The following ARHGEF12 variants were observed in gnomAD, a reference collection of about 807,000 sequenced individuals.
The protein encoded by ARHGEF12 is KMT2A/ARHGEF12 fusion protein.
A neutral mutation model predicts 211.2 loss-of-function variants in ARHGEF12; 66 were observed. The ratio of observed to expected loss-of-function variants is 0.31; its 90% CI spans 0.26 to 0.38. The LOEUF (loss-of-function observed/expected upper bound fraction) is 0.38. Among genes scored for constraint, ARHGEF12 ranks in the 10% least tolerant of loss-of-function variants. The pLI is 1.00. For missense variants in ARHGEF12, 1,429 were observed against 1,869.5 expected (o/e 0.76, Z 4.34); for synonymous variants, 592 against 638.4 (o/e 0.93, Z 1.09).
chr11:120,418,455 G>A (rs368643741), intron 4 of ARHGEF12, among the ~76,000 whole-genome samples: 4 of 152,202 alleles, frequency 2.6e-5, no homozygotes, highest in African/African-American at 7.2e-5. Flanking sequence ...CCATTCATCC[G>A]TTGATAGACA....
At position 120,480,222 on chromosome 11, in the gene ARHGEF12, G is replaced by T; in HGVS notation, c.4029G>T (p.Leu1343=). 6.2e-7 allele frequency: 1 copy of T among 1,614,198 alleles called. No homozygotes were observed. The highest frequency in any genetic ancestry group is 1.1e-5 in the South Asian group (1 of 91,072). ...ESFAPRDSVG[L]APQDSQASNI... ...TTGCTCCACGGGATTCAGTGGGACT[G>T]GCACCCCAGGATAGCCAGGCAAGTA... The change falls in exon 38 of 41, where the codon CTG becomes CTT. Residue 1343 remains leucine, a synonymous_variant. Coordinates refer to ENST00000397843, the MANE Select transcript of ARHGEF12 (RefSeq NM_015313.3).
intron 29 of ARHGEF12, among the ~76,000 whole-genome samples, chr11:120,467,769 C>T (rs954559304): frequency 2.6e-5 from 4 of 152,070 alleles, no homozygotes; most frequent in Admixed American, 1.3e-4. Flanking sequence ...TAGTCTTCTT[C>T]GGGCTGTTTG....
At position 120,437,358 on chromosome 11, in the gene ARHGEF12, G is replaced by C; in HGVS notation, c.975G>C (p.Glu325Asp). ...KERIYLEENP[E>D]KSETIQDTDT... ...GAATTTATCTAGAGGAAAACCCAGA[G>C]AAAAGTGAAACAATTCAGGACACTG... The change falls in exon 12 of 41, where the codon GAG becomes GAC. Residue 325 changes from glutamate to aspartate, a missense_variant. Transcript: ENST00000397843. The C allele has an allele frequency of 1.9e-6, 3 of 1,612,758 alleles. No individual in the cohort carries two copies. Among genetic ancestry groups the C allele is most frequent in the Non-Finnish European group, 2.5e-6 (3 of 1,179,398 alleles).
At chr11:120,470,471 A>T (rs1946835960) in intron 30 of ARHGEF12, among the ~76,000 whole-genome samples, 1 of 152,216 alleles carries the variant, frequency 6.6e-6, no homozygotes, top group South Asian at 2.1e-4. Flanking sequence ...TGTGGGGAAG[A>T]TGATGAGGTC....
At chr11:120,469,988 C>T (rs1049585605) in intron 30 of ARHGEF12, among the ~76,000 whole-genome samples, 3 of 151,992 alleles carry the variant, frequency 2.0e-5, no homozygotes, top group Non-Finnish European at 4.4e-5. Context: ...AAAGTCCTGA[C>T]GGAAAAAGAA....
intron 1 of ARHGEF12, among the ~76,000 whole-genome samples, chr11:120,404,053 A>C (rs1039276413): frequency 6.6e-6 from 1 of 152,134 alleles, no homozygotes; most frequent in Non-Finnish European, 1.5e-5. Context: ...CTCCATTCTC[A>C]ATCATGCAGA....
intron 37 of ARHGEF12, 133 bp downstream of exon 37, chr11:120,478,522 G>A: frequency 1.2e-6 from 1 of 867,220 alleles, no homozygotes. Context: ...ATTCTCTACA[G>A]TGGCCCATGC....
At chr11:120,362,011 G>C (rs1295827197) in intron 1 of ARHGEF12, among the ~76,000 whole-genome samples, 1 of 152,150 alleles carries the variant, frequency 6.6e-6, no homozygotes, top group Non-Finnish European at 1.5e-5. Context: ...TAAATAAATG[G>C]TTTTGAACTG....
chr11:120,480,743 G>A lies in ARHGEF12; in HGVS notation c.4237+313G>A, dbSNP rs1947209680. ...AAGTATTAGGAAGAAACATAAGTCA[G>A]ACTGAGGGGACGGAGAGTAATGAAG... On this transcript the variant is annotated intron_variant, in intron 38 of 40. Transcript: ENST00000397843. 2.6e-5 allele frequency among the ~76,000 whole-genome samples: 4 copies of A among 152,150 alleles called. No individual in the cohort carries two copies. The South Asian group carries it at 8.3e-4, about 32-fold the overall frequency.
chr11:120,448,808 A>G (rs1005663818), intron 20 of ARHGEF12: 7 of 311,760 alleles, frequency 2.2e-5, no homozygotes, highest in African/African-American at 1.3e-4. Context: ...TGCTTAGTAA[A>G]TATTTGTTGA....
At chr11:120,354,913 C>A (rs2135328860) in intron 1 of ARHGEF12, among the ~76,000 whole-genome samples, 1 of 152,322 alleles carries the variant, frequency 6.6e-6, no homozygotes, top group Admixed American at 6.5e-5. Context: ...ATGCTGAGTT[C>A]TGGGAAGCTG....
chr11:120,447,226 G>GT, intron 18 of ARHGEF12, 141 bp downstream of exon 18: 1 of 956,446 alleles, frequency 1.0e-6, no homozygotes, highest in Non-Finnish European at 1.4e-6. Context: ...TGAGAAACTG[G>GT]ATTTTTTTTT....
At chr11:120,406,553 T>G (rs908729970) in intron 2 of ARHGEF12, among the ~76,000 whole-genome samples, 38 of 151,228 alleles carry the variant, frequency 2.5e-4, no homozygotes, top group African/African-American at 8.9e-4. Context: ...ACTTTATTTT[T>G]TATTTTATTT....
chr11:120,345,691 G>A (rs1477315328), intron 1 of ARHGEF12, among the ~76,000 whole-genome samples: 1 of 103,816 alleles, frequency 9.6e-6, no homozygotes, highest in East Asian at 2.7e-4. Flanking sequence ...CACAGAGCGA[G>A]ACTCCGTCTC....
intron 1 of ARHGEF12, among the ~76,000 whole-genome samples, chr11:120,371,818 A>G (rs1943597162): frequency 6.6e-6 from 1 of 152,130 alleles, no homozygotes; most frequent in Admixed American, 6.5e-5. Context: ...ACCTAATTTT[A>G]CTCCCATTAA....
rs528014894 is a variant in ARHGEF12 at position 120,477,449 on chromosome 11, G to A, written c.3455G>A (p.Gly1152Glu). Residue 1152 changes from glycine to glutamate, a missense_variant and splice_region_variant, in exon 36 of 41, where the codon GGA becomes GAA. Physicochemically the swap from Gly to Glu is moderately conservative, Grantham distance 98. This residue lies in a region of ARHGEF12 where 223 missense variants were observed against 444.6 expected (regional missense o/e 0.50). Transcript: ENST00000397843. ...TTTTTTTTTTTTTTTCTCTACAGAG[G>A]AGATAATGATGAAGAAGATCCTTCA... ...IPLPQSTPGEGDNDEEDPSKL... is the reference protein window; with the variant it reads ...IPLPQSTPGEEDNDEEDPSKL... 1 of 1,594,898 alleles carries A rather than the reference G, an allele frequency of 6.3e-7. No homozygotes were observed. The highest frequency in any genetic ancestry group is 1.4e-5 in the African/African-American group (1 of 73,798).
chr11:120,483,454 C>T (rs1470048133), intron 39 of ARHGEF12, among the ~76,000 whole-genome samples: 3 of 141,440 alleles, frequency 2.1e-5, no homozygotes, highest in Admixed American at 7.1e-5. Context: ...AATGGAGTCT[C>T]GGTCTGTCAC....
At chr11:120,427,369 C>T (rs957419573) in intron 7 of ARHGEF12, among the ~76,000 whole-genome samples, 1 of 152,038 alleles carries the variant, frequency 6.6e-6, no homozygotes, top group African/African-American at 2.4e-5. Flanking sequence ...TATGTTCTAG[C>T]ATATTCACTA....
rs1238904049 is a variant in ARHGEF12, at chr11:120,352,077, AT to A, written c.32+14804del. 3.3e-5 allele frequency among the ~76,000 whole-genome samples: 5 copies of A among 152,322 alleles called. No individual in the cohort carries two copies. In the East Asian group the frequency reaches 9.6e-4, roughly 29 times the overall value. ...AATAGATTTTGTCTTCAACAATACC[AT>A]TAAAGAGTTGCCTTCACATTAAAAT... is the stretch of plus-strand genomic sequence containing the variant. On this transcript the variant is annotated intron_variant, in intron 1 of 40. Transcript: ENST00000397843.
Sources: gnomAD v4.1 joint callset for allele counts (sites outside exome capture counted in the v4.1 genomes callset) on GRCh38, gnomAD v4.1.1 for gene constraint, gnomAD v4.1.1 regional missense constraint, MANE v1.5 for transcripts, NCBI Gene and HGNC (gene_info 2026-07-23, HGNC 2026-07-21) for gene names.